PKN2: variants seen among roughly 807,000 people sequenced by gnomAD.
PKN2 encodes serine/threonine-protein kinase N2.
A neutral mutation model predicts 119.1 loss-of-function variants in PKN2; 38 were observed. That is an observed-to-expected ratio of 0.32 (90% CI 0.25 to 0.42). PKN2 has a LOEUF of 0.42. PKN2 is among the 10% of genes least tolerant of loss of function. The pLI is 1.00. For missense variants in PKN2, 850 were observed against 1,165.1 expected (o/e 0.73, Z 3.94); for synonymous variants, 390 against 384.9 (o/e 1.01, Z -0.15).
chr1:88,684,465 TTG>T lies in PKN2; in HGVS notation c.-114_-113del. 1.2e-6 allele frequency: 1 copy of T among 864,626 alleles called. No homozygotes were observed. Among genetic ancestry groups the T allele is most frequent in the Middle Eastern group, 2.7e-4 (1 of 3,712 alleles). The allele number at this position is 864,626 out of a possible 1,614,324, so 53.6% of individuals were successfully genotyped here. On this transcript the variant is annotated 5_prime_UTR_variant, in exon 1 of 22. Transcript: ENST00000370521. ...GGGCTGCGCCTCCATGAATCCCTAG[TTG>T]TTTTTTTTTTTTTCTTTCTCTCCCC... is the stretch of plus-strand genomic sequence containing the variant.
At chr1:88,796,319 AG>A (rs942155583) in intron 8 of PKN2, among the ~76,000 whole-genome samples, 12 of 152,144 alleles carry the variant, frequency 7.9e-5, no homozygotes, top group Admixed American at 7.2e-4. Flanking sequence ...AGGGATACTC[AG>A]CCTGTACTGC....
chr1:88,684,555 A>G lies in PKN2; in HGVS notation c.-26A>G. On this transcript the variant is annotated 5_prime_UTR_variant, in exon 1 of 22. Coordinates refer to ENST00000370521, the MANE Select transcript of PKN2 (RefSeq NM_006256.4). ...CCCTTCGCCAGAGGCGGCCGCGTCC[A>G]GGTGCGGAGTCCATACCGGAGCGCA... 1.3e-6 allele frequency: 2 copies of G among 1,516,346 alleles called. No individual in the cohort carries two copies. Among genetic ancestry groups the G allele is most frequent in the Non-Finnish European group, 1.8e-6 (2 of 1,130,442 alleles). The allele number at this position is 1,516,346 out of a possible 1,614,324, so 93.9% of individuals were successfully genotyped here.
chr1:88,782,591 T>C (rs1026708972), intron 6 of PKN2, among the ~76,000 whole-genome samples: 3 of 152,158 alleles, frequency 2.0e-5, no homozygotes, highest in Non-Finnish European at 2.9e-5. Context: ...TCTTTTGCAA[T>C]GTTTAATCTG....
In PKN2 at chr1:88,789,662, C is replaced by CATA. The variant is rs10573546; in HGVS notation, c.1281+3478_1281+3480dup. On this transcript the variant is annotated intron_variant, in intron 8 of 21. Coordinates refer to ENST00000370521, the MANE Select transcript of PKN2 (RefSeq NM_006256.4). ...TGGGCGACAGAGCAAGACTCTATCTCATAATAATAATAATAATAATAATAA... is the reference window on the plus strand; with the variant it reads ...TGGGCGACAGAGCAAGACTCTATCTCATAATAATAATAATAATAATAATAATAA... Among the ~76,000 whole-genome samples the CATA allele has an allele frequency of 8.9e-3, 1,305 of 146,452 alleles. 14 individuals carry two copies. The highest frequency in any genetic ancestry group is 0.019 in the African/African-American group (745 of 39,486).
At chr1:88,829,038 C>G (rs372888905) in intron 19 of PKN2, 1 of 646,182 alleles carries the variant, frequency 1.5e-6, no homozygotes, top group Non-Finnish European at 3.0e-6. Context: ...CACTCTGCAT[C>G]CTTGCTTCAC....
In PKN2 at chr1:88,715,922, T is replaced by C. The variant is rs575376825; in HGVS notation, c.49-25066T>C. On this transcript the variant is annotated intron_variant, in intron 1 of 21. Coordinates refer to ENST00000370521, the MANE Select transcript of PKN2 (RefSeq NM_006256.4). ...TTTAGATCTTTCCCACTTTCTCTTA[T>C]GGGCATTTAGTGCTATAAATTTCTC... 7.2e-5 allele frequency among the ~76,000 whole-genome samples: 11 copies of C among 152,346 alleles called. No individual in the cohort carries two copies. In the East Asian group the frequency reaches 2.1e-3, roughly 29 times the overall value.
chr1:88,688,432 G>C (rs1020892515), intron 1 of PKN2, among the ~76,000 whole-genome samples: 2 of 152,138 alleles, frequency 1.3e-5, no homozygotes, highest in African/African-American at 2.4e-5. Context: ...AACTATAAAT[G>C]TTTTGCATCT....
At chr1:88,745,200 G>T (rs1668725692) in intron 2 of PKN2, among the ~76,000 whole-genome samples, 1 of 152,124 alleles carries the variant, frequency 6.6e-6, no homozygotes, top group South Asian at 2.1e-4. Context: ...TTAAGATCAG[G>T]AACAAGATCA....
intron 2 of PKN2, among the ~76,000 whole-genome samples, chr1:88,749,879 G>T (rs1668919066): frequency 6.6e-6 from 1 of 152,146 alleles, no homozygotes; most frequent in South Asian, 2.1e-4. Context: ...ATTGTTTAAT[G>T]CAGTAAACAG....
chr1:88,822,601 C>T (rs1394942091), intron 17 of PKN2, among the ~76,000 whole-genome samples: 11 of 135,466 alleles, frequency 8.1e-5, no homozygotes, highest in South Asian at 2.4e-4. Context: ...TTTTTTGAGA[C>T]GGAGTTTCGC....
In PKN2 at chr1:88,805,904, A is replaced by T. The variant is rs770693244; in HGVS notation, c.1690A>T (p.Thr564Ser). 6.2e-7 allele frequency: 1 copy of T among 1,614,014 alleles called. No homozygotes were observed. The highest frequency in any genetic ancestry group is 8.5e-7 in the Non-Finnish European group (1 of 1,179,938). ...ATCTTCTATAAGTGATTCTACAGTA[A>T]CCAAATTGGACTTTGATCTTGAGCC... ...LAPPASDSTVTKLDFDLEPEP... is the reference protein window; with the variant it reads ...LAPPASDSTVSKLDFDLEPEP... The change falls in exon 12 of 22, where the codon ACC becomes TCC. Residue 564 changes from threonine (T) to serine (S), a missense_variant. By Grantham distance (58) the Thr-to-Ser change is moderately conservative (BLOSUM62 1). Coordinates refer to ENST00000370521, the MANE Select transcript of PKN2 (RefSeq NM_006256.4).
At chr1:88,707,143 G>A (rs1156598640) in intron 1 of PKN2, among the ~76,000 whole-genome samples, 1 of 151,850 alleles carries the variant, frequency 6.6e-6, no homozygotes, top group Non-Finnish European at 1.5e-5. Context: ...AAAAGGCTGA[G>A]AATAACTTAT....
At chr1:88,763,339 G>T (rs1669521875) in intron 3 of PKN2, among the ~76,000 whole-genome samples, 1 of 152,074 alleles carries the variant, frequency 6.6e-6, no homozygotes, top group African/African-American at 2.4e-5. Context: ...CACATGTGGT[G>T]ACTCACGCCT....
intron 1 of PKN2, among the ~76,000 whole-genome samples, chr1:88,704,981 A>C (rs1186343673): frequency 6.6e-6 from 1 of 152,084 alleles, no homozygotes; most frequent in Non-Finnish European, 1.5e-5. Context: ...TCTTTGGTGA[A>C]GTATCTATTC....
At chr1:88,708,617 CTTT>C (rs769170898) in intron 1 of PKN2, among the ~76,000 whole-genome samples, 74 of 118,436 alleles carry the variant, frequency 6.2e-4, no homozygotes, top group African/African-American at 1.6e-3. Flanking sequence ...ACACATAAAA[CTTT>C]TTTTTTTTTT....
intron 17 of PKN2, among the ~76,000 whole-genome samples, chr1:88,823,046 C>T (rs1672359578): frequency 6.6e-6 from 1 of 152,078 alleles, no homozygotes. Flanking sequence ...TAGTGATATT[C>T]TGTCTCTACA....
Position 88,684,593 on chromosome 1 carries a change from C to A in PKN2, c.13C>A (p.Pro5Thr). 5.1e-6 allele frequency: 8 copies of A among 1,561,286 alleles called. No homozygotes were observed. The highest frequency in any genetic ancestry group is 6.1e-6 in the Non-Finnish European group (7 of 1,154,030). The change falls in exon 1 of 22, where the codon CCC becomes ACC. Residue 5 changes from proline to threonine, a missense_variant. This residue lies in a region of PKN2 where 73 missense variants were observed against 61.2 expected (regional missense o/e 1.19). Coordinates refer to ENST00000370521, the MANE Select transcript of PKN2 (RefSeq NM_006256.4). ...ATACCGGAGCGCAATGGCGTCCAAC[C>A]CCGAACGGGGGGAGATTCTGCTCAC... is the stretch of plus-strand genomic sequence containing the variant. MASN[P>T]ERGEILLTEL...
At chr1:88,758,228 T>A (rs576823611) in intron 2 of PKN2, among the ~76,000 whole-genome samples, 7 of 152,126 alleles carry the variant, frequency 4.6e-5, no homozygotes, top group Non-Finnish European at 1.0e-4. Context: ...AGTTCCCATT[T>A]TTATTTTACT....
rs6696664 is a variant in PKN2 at position 88,733,518 on chromosome 1, A to G, written c.49-7470A>G. Among the ~76,000 whole-genome samples, 469 of 152,120 alleles carry G rather than the reference A, an allele frequency of 3.1e-3. 5 individuals are homozygous for G. The highest frequency in any genetic ancestry group is 0.011 in the African/African-American group (445 of 41,498). Reference sequence around the variant, plus strand: ...AAATGTCTATGTAGGCCTTTTGCCCATTTTTTGATCAGGTTATTTGTTTGT... The same window carrying G: ...AAATGTCTATGTAGGCCTTTTGCCCGTTTTTTGATCAGGTTATTTGTTTGT... On this transcript the variant is annotated intron_variant, in intron 1 of 21. Transcript: ENST00000370521.
Sources: gnomAD v4.1 joint callset for allele counts (sites outside exome capture counted in the v4.1 genomes callset) on GRCh38, gnomAD v4.1.1 for gene constraint, gnomAD v4.1.1 regional missense constraint, MANE v1.5 for transcripts, NCBI Gene and HGNC (gene_info 2026-07-23, HGNC 2026-07-21) for gene names.